DDX5: variants seen among roughly 807,000 people sequenced by gnomAD.
DDX5 encodes the protein probable ATP-dependent RNA helicase DDX5.
DDX5 carries 6 observed loss-of-function variants against 68.6 expected under a neutral mutation model. That is an observed-to-expected ratio of 0.09 (90% CI 0.05 to 0.17). DDX5 has a LOEUF of 0.17. Ranked by LOEUF, DDX5 falls within the 10% of genes least tolerant of loss-of-function variation. The pLI is 1.00. For synonymous variants in DDX5, 350 were observed against 247.0 expected (o/e 1.42, Z -3.91); for missense variants, 499 against 756.1 (o/e 0.66, Z 3.99).
rs1160584635 is a variant in DDX5, at chr17:64,506,015, CCCT to C, written c.44+58_44+60del. On this transcript the variant is annotated intron_variant, in intron 1 of 12. Transcript: ENST00000225792. ...GCCGCAAAGCCCCCGCCGGCCGCCACCCTGACCCGCCCTCCCATCCCCCCACCC... is the reference window on the plus strand; with the variant it reads ...GCCGCAAAGCCCCCGCCGGCCGCCACGACCCGCCCTCCCATCCCCCCACCC... The C allele has an allele frequency of 2.7e-5, 41 of 1,526,846 alleles. No homozygotes were observed. In the East Asian group the frequency reaches 8.6e-4, roughly 32 times the overall value. 94.6% of individuals were successfully genotyped at this position (1,526,846 alleles called of 1,614,324 possible). A position where few individuals can be genotyped will look rare whatever the true frequency, so the allele number is the denominator to read the frequency against.
chr17:64,502,229 T>G lies in DDX5; in HGVS notation c.1095-6A>C. ...GGATACCCATGGCAGGCCACCTAAG[T>G]TAAAAGACAAGTTGTGTTATTAAAC... On this transcript the variant is annotated splice_polypyrimidine_tract_variant and splice_region_variant and intron_variant, in intron 9 of 12. Transcript: ENST00000225792. 6.2e-7 allele frequency: 1 copy of G among 1,613,856 alleles called. No individual in the cohort carries two copies. The highest frequency in any genetic ancestry group is 2.2e-5 in the East Asian group (1 of 44,880).
chr17:64,504,271 A>C lies in DDX5; in HGVS notation c.258T>G (p.Gly86=). ...YRRSKEITVR[G]HNCPKPVLNF... ...TTAGAACTGGCTTCGGGCAGTTGTG[A>C]CCTCTAACTGTAATTTCCTTGCTTC... is the stretch of plus-strand genomic sequence containing the variant. Residue 86 remains glycine, a synonymous_variant, in exon 3 of 13, where the codon GGT becomes GGG. Transcript: ENST00000225792. 1 of 1,614,100 alleles carries C rather than the reference A, an allele frequency of 6.2e-7. No individual in the cohort carries two copies. Among genetic ancestry groups the C allele is most frequent in the Admixed American group, 1.7e-5 (1 of 60,008 alleles).
Position 64,500,497 on chromosome 17 carries a change from T to G in DDX5, c.1441+52A>C, listed in dbSNP as rs1408252985. Reference sequence around the variant, plus strand: ...CTCCAATACCATTTAAATGGATTTGTAGACAACGATGTGACTCGTAACTAC... The same window carrying G: ...CTCCAATACCATTTAAATGGATTTGGAGACAACGATGTGACTCGTAACTAC... On this transcript the variant is annotated intron_variant, in intron 12 of 12. Transcript: ENST00000225792. The G allele has an allele frequency of 2.6e-6, 4 of 1,565,104 alleles. No individual in the cohort carries two copies. In the African/African-American group the frequency reaches 5.4e-5, roughly 21 times the overall value.
At chr17:64,501,092 T>C in intron 11 of DDX5, 3 of 341,020 alleles carry the variant, frequency 8.8e-6, no homozygotes, top group Admixed American at 9.1e-5. Flanking sequence ...TTCTGCGCAG[T>C]AGGGCCACTT....
intron 11 of DDX5, 154 bp from the exon 12 acceptor site, chr17:64,500,927 T>A (rs897034969): frequency 1.6e-6 from 1 of 622,430 alleles, no homozygotes; most frequent in Non-Finnish European, 2.8e-6. Flanking sequence ...CCTGTAGGAA[T>A]ACCATTGAGG....
Position 64,504,220 on chromosome 17 carries a change from A to G in DDX5, c.307+2T>C. On this transcript the variant is annotated splice_donor_variant, in intron 3 of 12. Coordinates refer to ENST00000225792, the MANE Select transcript of DDX5 (RefSeq NM_004396.5). LOFTEE classifies it high-confidence loss of function. ...TAGGTAGAACTGAAAAGTAGCACTTACCAGGGAAATTGGCTTCATAAAAAT... is the reference window on the plus strand; with the variant it reads ...TAGGTAGAACTGAAAAGTAGCACTTGCCAGGGAAATTGGCTTCATAAAAAT... 2 of 1,613,948 alleles carry G rather than the reference A, an allele frequency of 1.2e-6. No individual in the cohort carries two copies. The highest frequency in any genetic ancestry group is 1.7e-6 in the Non-Finnish European group (2 of 1,179,798).
chr17:64,499,336 G>A lies in DDX5; in HGVS notation c.*587C>T, dbSNP rs1437054354. 2.0e-5 allele frequency among the ~76,000 whole-genome samples: 3 copies of A among 152,002 alleles called. No homozygotes were observed. The highest frequency in any genetic ancestry group is 2.0e-4 in the Admixed American group (3 of 15,254). On this transcript the variant is annotated 3_prime_UTR_variant, in exon 13 of 13. Coordinates refer to ENST00000225792, the MANE Select transcript of DDX5 (RefSeq NM_004396.5). ...AACCATACTAGCAAATAAGGAAAAA[G>A]GCTATTAAATGACTCCCCTGATGCT... is the stretch of plus-strand genomic sequence containing the variant.
intron 1 of DDX5, 113 bp downstream of exon 1, chr17:64,505,963 A>G: frequency 6.5e-7 from 1 of 1,539,660 alleles, no homozygotes; most frequent in Non-Finnish European, 8.7e-7. Flanking sequence ...AGGAAGTCCC[A>G]AGATAGCCCG....
In DDX5 at chr17:64,503,277, T is replaced by G; in HGVS notation, c.721A>C (p.Arg241=). The change falls in exon 7 of 13, where the codon AGA becomes CGA. Residue 241 remains arginine (R), a synonymous_variant. Transcript: ENST00000225792. ...FLECGKTNLR[R]TTYLVLDEAD... ...TCATCAAGGACAAGGTAGGTTGTTCTTCTCAGATTGGTTTTTCCACACTCT... is the reference window on the plus strand; with the variant it reads ...TCATCAAGGACAAGGTAGGTTGTTCGTCTCAGATTGGTTTTTCCACACTCT... The G allele has an allele frequency of 4.3e-6, 7 of 1,614,234 alleles. No individual in the cohort carries two copies. Among genetic ancestry groups the G allele is most frequent in the Non-Finnish European group, 5.9e-6 (7 of 1,180,044 alleles).
chr17:64,500,317 C>A lies in DDX5; in HGVS notation c.1451G>T (p.Arg484Met). ...GTCATCCTTCATGCCTCCTCTACCC[C>A]TGGAACGACCTGTCAAGAAAACAAT... ...LVEDRGSGRS[R>M]GRGGMKDDRR... The change falls in exon 13 of 13, where the codon AGG (arginine) becomes ATG (methionine). Residue 484 changes from arginine (R) to methionine (M), a missense_variant. Physicochemically the swap from Arg to Met is moderately conservative, Grantham distance 91. Around this residue, in one of 5 missense-constraint regions of DDX5, gnomAD observed 171 missense variants for 174.8 expected, o/e 0.98. Coordinates refer to ENST00000225792, the MANE Select transcript of DDX5 (RefSeq NM_004396.5). The A allele has an allele frequency of 1.2e-6, 2 of 1,603,418 alleles. No individual in the cohort carries two copies. Among genetic ancestry groups the A allele is most frequent in the South Asian group, 2.2e-5 (2 of 90,382 alleles).
Position 64,500,153 on chromosome 17 carries a change from T to C in DDX5, c.1615A>G (p.Asn539Asp), listed in dbSNP as rs999581421. Reference sequence around the variant, plus strand: ...CTTCCAAAGCTCCCATTGGTGTAATTTGCAGCACTGTAAACACCATTCTGA... The same window carrying C: ...CTTCCAAAGCTCCCATTGGTGTAATCTGCAGCACTGTAAACACCATTCTGA... ...KTQNGVYSAA[N>D]YTNGSFGSNF... The change falls in exon 13 of 13, where the codon AAT (asparagine) becomes GAT (aspartate). Residue 539 changes from asparagine (N) to aspartate (D), a missense_variant. Around this residue, in one of 5 missense-constraint regions of DDX5, gnomAD observed 171 missense variants for 174.8 expected, o/e 0.98. Transcript: ENST00000225792. 2.6e-5 allele frequency: 42 copies of C among 1,614,100 alleles called. No homozygotes were observed. The highest frequency in any genetic ancestry group is 3.2e-5 in the Non-Finnish European group (38 of 1,180,042).
At position 64,504,832 on chromosome 17, in the gene DDX5, G is replaced by A. The variant is rs1555671844; in HGVS notation, c.55C>T (p.Pro19Ser). The A allele has an allele frequency of 6.2e-7, 1 of 1,601,970 alleles. No individual in the cohort carries two copies. ...CCTGCCCTACTTCCTCCAAATCGAG[G>A]TGCACCAAACCTGGAATGAAAAAAA... ...DRGRDRGFGA[P>S]RFGGSRAGPL... Residue 19 changes from proline (P) to serine (S), a missense_variant, in exon 2 of 13, where the codon CCT (proline) becomes TCT (serine). Pro to Ser is a moderately conservative substitution (Grantham distance 74). Coordinates refer to ENST00000225792, the MANE Select transcript of DDX5 (RefSeq NM_004396.5).
intron 1 of DDX5, 129 bp from the exon 2 acceptor site, chr17:64,504,971 C>T: frequency 1.3e-6 from 1 of 775,732 alleles, no homozygotes. Flanking sequence ...CTAGCACTGT[C>T]CTTCGTGAAA....
At position 64,502,445 on chromosome 17, in the gene DDX5, C is replaced by G; in HGVS notation, c.1088G>C (p.Arg363Thr). ...TGGAGGAGCTCACACATACCCATCT[C>G]TCCTCATTTTTCTGGTAAGCTCATC... ...RCDELTRKMR[R>T]DGWPAMGIHG... Residue 363 changes from arginine (R) to threonine (T), a missense_variant, in exon 9 of 13, where the codon AGA (arginine) becomes ACA (threonine). By Grantham distance (71) the Arg-to-Thr change is moderately conservative. This residue lies in a region of DDX5 where 26 missense variants were observed against 128.2 expected (regional missense o/e 0.20). Transcript: ENST00000225792. 3 of 1,611,028 alleles carry G rather than the reference C, an allele frequency of 1.9e-6. No individual in the cohort carries two copies. Among genetic ancestry groups the G allele is most frequent in the Non-Finnish European group, 2.5e-6 (3 of 1,177,288 alleles).
rs782607316 is a variant in DDX5 at position 64,500,344 on chromosome 17, GCAAATTGAT to G, written c.1442-27_1442-19del. The G allele has an allele frequency of 1.4e-5, 23 of 1,589,772 alleles. No individual in the cohort carries two copies. Among genetic ancestry groups the G allele is most frequent in the Non-Finnish European group, 1.9e-5 (22 of 1,167,316 alleles). ...GGAACGACCTGTCAAGAAAACAATT[GCAAATTGAT>G]CAATTATGTCTATGACACAAATCAT... On this transcript the variant is annotated intron_variant, in intron 12 of 12. Coordinates refer to ENST00000225792, the MANE Select transcript of DDX5 (RefSeq NM_004396.5).
intron 9 of DDX5, 108 bp from the exon 10 acceptor site, chr17:64,502,331 A>C: frequency 6.8e-7 from 1 of 1,476,040 alleles, no homozygotes; most frequent in South Asian, 1.2e-5. Flanking sequence ...GAAATGAAAA[A>C]GTTAAATTCA....
At chr17:64,504,168 G>A (rs374537054) in intron 3 of DDX5, 52 bp from the exon 4 acceptor site, 8 of 1,612,080 alleles carry the variant, frequency 5.0e-6, no homozygotes, top group Non-Finnish European at 6.8e-6. Flanking sequence ...AAGAAAAAGA[G>A]GGGGTAGGTG....
chr17:64,505,596 T>G (rs1271141914), intron 1 of DDX5: 1 of 829,206 alleles, frequency 1.2e-6, no homozygotes, highest in Middle Eastern at 3.0e-4. Flanking sequence ...GCCGCCGCCA[T>G]GTCCGAGGCC....
In DDX5 at chr17:64,502,698, G is replaced by T. The variant is rs533855328; in HGVS notation, c.984-149C>A. 1.6e-5 allele frequency: 12 copies of T among 727,866 alleles called. No individual in the cohort carries two copies. The African/African-American group carries it at 2.1e-4, about 13-fold the overall frequency. 45.1% of individuals were successfully genotyped at this position (727,866 alleles called of 1,614,324 possible). A position where few individuals can be genotyped will look rare whatever the true frequency, so the allele number is the denominator to read the frequency against. On this transcript the variant is annotated intron_variant, in intron 8 of 12. Transcript: ENST00000225792. ...TGCTAATCCACTTATCGAGCAGTTCGACCCTTGGTCCTTAAGTCAACCAGG... is the reference window on the plus strand; with the variant it reads ...TGCTAATCCACTTATCGAGCAGTTCTACCCTTGGTCCTTAAGTCAACCAGG...
Sources: gnomAD v4.1 joint callset for allele counts (sites outside exome capture counted in the v4.1 genomes callset) on GRCh38, gnomAD v4.1.1 for gene constraint, gnomAD v4.1.1 regional missense constraint, MANE v1.5 for transcripts, NCBI Gene and HGNC (gene_info 2026-07-23, HGNC 2026-07-21) for gene names.